The following SETBP1 variants were observed in gnomAD, a reference collection of about 807,000 sequenced individuals.
SETBP1 encodes SET binding protein 1, also known as SET-binding protein.
A neutral mutation model predicts 101.0 loss-of-function variants in SETBP1; 9 were observed. The observed-to-expected ratio is 0.09, with a 90% CI of 0.05 to 0.16. SETBP1 has a LOEUF of 0.16. Ranked by LOEUF, SETBP1 falls within the 10% of genes least tolerant of loss-of-function variation. SETBP1 has a pLI of 1.00. For missense variants in SETBP1, 1,858 were observed against 2,033.8 expected, an observed-to-expected ratio of 0.91 and a Z score of 1.66; for synonymous variants, 818 against 788.5, an observed-to-expected ratio of 1.04 and a Z score of -0.63.
intron 2 of SETBP1, among the ~76,000 whole-genome samples, chr18:44,790,864 A>G (rs1278358354): frequency 6.6e-6 from 1 of 152,212 alleles, no homozygotes; most frequent in Non-Finnish European, 1.5e-5. Context: ...AAAAATGTAC[A>G]TTCCTTAAAA....
At chr18:44,990,381 G>A (rs1351043709) in intron 4 of SETBP1, among the ~76,000 whole-genome samples, 1 of 152,060 alleles carries the variant, frequency 6.6e-6, no homozygotes, top group Admixed American at 6.6e-5. Context: ...ATCAGTTGAG[G>A]CCAGGAGTTT....
At chr18:44,780,192 T>G (rs2071096596) in intron 2 of SETBP1, among the ~76,000 whole-genome samples, 1 of 152,142 alleles carries the variant, frequency 6.6e-6, no homozygotes, top group Non-Finnish European at 1.5e-5. Flanking sequence ...GAGACTGTAT[T>G]GTGCCCCAAA....
At chr18:44,786,011 C>A (rs891944430) in intron 2 of SETBP1, among the ~76,000 whole-genome samples, 1 of 152,138 alleles carries the variant, frequency 6.6e-6, no homozygotes, top group Non-Finnish European at 1.5e-5. Context: ...TACATATGAC[C>A]TTCTCTGTTT....
At chr18:44,875,069 C>A (rs1218220603) in intron 3 of SETBP1, among the ~76,000 whole-genome samples, 1 of 152,198 alleles carries the variant, frequency 6.6e-6, no homozygotes, top group Non-Finnish European at 1.5e-5. Context: ...GAGTGAGAGT[C>A]TTCCGACAGC....
At chr18:44,856,236 A>G (rs895873227) in intron 2 of SETBP1, among the ~76,000 whole-genome samples, 2 of 152,164 alleles carry the variant, frequency 1.3e-5, no homozygotes, top group Non-Finnish European at 2.9e-5. Context: ...TGTGTCACTA[A>G]AATAGCAAGT....
intron 3 of SETBP1, among the ~76,000 whole-genome samples, chr18:44,938,397 A>G (rs1213825437): frequency 2.6e-5 from 4 of 152,250 alleles, no homozygotes; most frequent in African/African-American, 7.2e-5. Context: ...GAAACAATCA[A>G]TGATGTACCT....
At chr18:44,834,546 G>A (rs1034740445) in intron 2 of SETBP1, among the ~76,000 whole-genome samples, 6 of 152,094 alleles carry the variant, frequency 3.9e-5, no homozygotes, top group South Asian at 2.1e-4. Flanking sequence ...TGTGGCCCCC[G>A]GAAGCTATAG....
intron 3 of SETBP1, among the ~76,000 whole-genome samples, chr18:44,893,902 A>G (rs527968987): frequency 6.6e-6 from 1 of 152,118 alleles, no homozygotes; most frequent in Non-Finnish European, 1.5e-5. Context: ...ACAGTTTGAG[A>G]GTTGCTGCCT....
At chr18:44,920,891 C>A (rs2070565370) in intron 3 of SETBP1, among the ~76,000 whole-genome samples, 1 of 152,166 alleles carries the variant, frequency 6.6e-6, no homozygotes, top group Non-Finnish European at 1.5e-5. Flanking sequence ...GCTTGCCCTG[C>A]CATCATTCTT....
In SETBP1 at chr18:45,028,327, A is replaced by C. The variant is rs547669047; in HGVS notation, c.4001-10158A>C. Reference sequence around the variant, plus strand: ...TTTCCAATTTCATCCATGGCCCTACAAAGGACATGAACTCATCATTTTTTA... The same window carrying C: ...TTTCCAATTTCATCCATGGCCCTACCAAGGACATGAACTCATCATTTTTTA... On this transcript the variant is annotated intron_variant, in intron 4 of 5. Coordinates refer to ENST00000649279, the MANE Select transcript of SETBP1 (RefSeq NM_015559.3). Among the ~76,000 whole-genome samples, 4 of 152,132 alleles carry C rather than the reference A, an allele frequency of 2.6e-5. No individual in the cohort carries two copies. The South Asian group carries it at 8.3e-4, about 32-fold the overall frequency.
At chr18:44,857,037 A>G (rs2072994135) in intron 2 of SETBP1, among the ~76,000 whole-genome samples, 1 of 152,204 alleles carries the variant, frequency 6.6e-6, no homozygotes, top group African/African-American at 2.4e-5. Context: ...TTATCTAGTT[A>G]TAAGTGAAGC....
At chr18:44,706,095 G>A (rs1013457915) in intron 2 of SETBP1, among the ~76,000 whole-genome samples, 2 of 152,170 alleles carry the variant, frequency 1.3e-5, no homozygotes, top group Non-Finnish European at 2.9e-5. Flanking sequence ...CTACTTCGGG[G>A]CCTCTGAACT....
At chr18:44,727,804 G>T (rs2069748061) in intron 2 of SETBP1, among the ~76,000 whole-genome samples, 1 of 152,166 alleles carries the variant, frequency 6.6e-6, no homozygotes, top group Non-Finnish European at 1.5e-5. Context: ...TGCTTCCCTT[G>T]TTGGGTCAAA....
chr18:45,058,010 A>G (rs1054015562), intron 5 of SETBP1, among the ~76,000 whole-genome samples: 1 of 152,268 alleles, frequency 6.6e-6, no homozygotes, highest in Non-Finnish European at 1.5e-5. Context: ...AATGGGAGTG[A>G]AAAGATAGAA....
At chr18:44,969,028 T>C (rs569033087) in intron 4 of SETBP1, among the ~76,000 whole-genome samples, 1 of 152,270 alleles carries the variant, frequency 6.6e-6, no homozygotes, top group East Asian at 1.9e-4. Flanking sequence ...TCTGAATGCT[T>C]ACTATACCTC....
At chr18:45,051,804 A>T (rs1360696319) in intron 5 of SETBP1, among the ~76,000 whole-genome samples, 1 of 152,082 alleles carries the variant, frequency 6.6e-6, no homozygotes, top group Admixed American at 6.6e-5. Context: ...TTGAAACTCC[A>T]CTTCTCTTAT....
intron 2 of SETBP1, among the ~76,000 whole-genome samples, chr18:44,719,040 G>T (rs1257586079): frequency 6.6e-6 from 1 of 152,150 alleles, no homozygotes; most frequent in African/African-American, 2.4e-5. Flanking sequence ...GAAGACACAT[G>T]GGGTTTTATG....
At chr18:44,872,722 T>G (rs1490664908) in intron 3 of SETBP1, among the ~76,000 whole-genome samples, 1 of 152,280 alleles carries the variant, frequency 6.6e-6, no homozygotes, top group Non-Finnish European at 1.5e-5. Context: ...GTAAAGTGCC[T>G]GTGGGTGATG....
intron 4 of SETBP1, among the ~76,000 whole-genome samples, chr18:45,006,685 T>C (rs2072735121): frequency 6.6e-6 from 1 of 152,178 alleles, no homozygotes; most frequent in Non-Finnish European, 1.5e-5. Context: ...TCATATCAGA[T>C]TAGGGCCCAC....
Sources: allele counts gnomAD v4.1 joint callset (sites outside exome capture counted in the v4.1 genomes callset), GRCh38; gene constraint gnomAD v4.1.1; transcripts MANE v1.5; gene names NCBI Gene and HGNC (gene_info 2026-07-23, HGNC 2026-07-21).